Variants in ODAPH observed in about 807,000 individuals in gnomAD.
ODAPH encodes odontogenesis associated phosphoprotein.
Under a neutral mutation model 2.8 loss-of-function variants are expected in ODAPH, and 2 were observed. That is an observed-to-expected ratio of 0.72 (90% CI 0.30 to 2.28). The LOEUF (loss-of-function observed/expected upper bound fraction) is 2.28, where lower values mean the gene tolerates loss of function less well. Among genes scored for constraint, ODAPH ranks in the 30% most tolerant of loss-of-function variants. ODAPH has a pLI of 0.13. For synonymous variants in ODAPH, 75 were observed against 60.3 expected (o/e 1.24, Z -1.13); for missense variants, 159 against 163.3 (o/e 0.97, Z 0.14).
intron 1 of ODAPH, among the ~76,000 whole-genome samples, chr4:75,557,935 T>A (rs967918962): frequency 1.3e-5 from 2 of 152,226 alleles, no homozygotes; most frequent in African/African-American, 4.8e-5. Context: ...GCCACTATGA[T>A]TTTGCCTTGA....
At chr4:75,557,119 A>G (rs1267732931) in intron 1 of ODAPH, among the ~76,000 whole-genome samples, 5 of 152,172 alleles carry the variant, frequency 3.3e-5, no homozygotes, top group Non-Finnish European at 7.3e-5. Flanking sequence ...ACACTCTGGC[A>G]ATCAGGGGAC....
At chr4:75,561,179 G>C (rs1027422444) in intron 1 of ODAPH, among the ~76,000 whole-genome samples, 3 of 136,006 alleles carry the variant, frequency 2.2e-5, no homozygotes, top group South Asian at 2.4e-4. Flanking sequence ...AGCCGAGATC[G>C]CGCCACTGCA....
At chr4:75,561,096 C>T (rs577794439) in intron 1 of ODAPH, among the ~76,000 whole-genome samples, 14 of 152,062 alleles carry the variant, frequency 9.2e-5, no homozygotes, top group Admixed American at 3.9e-4. Flanking sequence ...TGGTGGCGCG[C>T]GCCTGTAGTC....
intron 1 of ODAPH, 86 bp downstream of exon 1, chr4:75,556,235 C>A: frequency 6.2e-6 from 8 of 1,294,580 alleles, no homozygotes; most frequent in South Asian, 1.2e-5. Flanking sequence ...ATTATACGTT[C>A]CCATAAATTG....
Sources: allele counts gnomAD v4.1 joint callset (sites outside exome capture counted in the v4.1 genomes callset), GRCh38; gene constraint gnomAD v4.1.1; transcripts MANE v1.5; gene names NCBI Gene and HGNC (gene_info 2026-07-23, HGNC 2026-07-21).